Variants in FHIT observed in about 807,000 individuals in gnomAD.
FHIT encodes the protein fragile histidine triad diadenosine triphosphatase.
A neutral mutation model predicts 17.9 loss-of-function variants in FHIT; 19 were observed. The observed-to-expected ratio is 1.06, with a 90% CI of 0.74 to 1.56. FHIT has a LOEUF of 1.56. FHIT is among the 40% of genes most tolerant of loss of function. The probability of loss-of-function intolerance (pLI) is 0.00; values close to 1 mark genes in which losing one functional copy is unlikely to be tolerated. For synonymous variants in FHIT, 81 were observed against 69.7 expected, an observed-to-expected ratio of 1.16 and a Z score of -0.81; for missense variants, 248 against 189.2, an observed-to-expected ratio of 1.31 and a Z score of -1.82.
chr3:59,863,739 A>C (rs1702508372), intron 8 of FHIT, among the ~76,000 whole-genome samples: 1 of 152,226 alleles, frequency 6.6e-6, no homozygotes, highest in Admixed American at 6.5e-5. Context: ...CCTTCTTATA[A>C]AGGATAAAAA....
chr3:61,158,096 C>T (rs1454570989), intron 2 of FHIT, among the ~76,000 whole-genome samples: 1 of 152,068 alleles, frequency 6.6e-6, no homozygotes, highest in Non-Finnish European at 1.5e-5. Flanking sequence ...TTAAAACAAA[C>T]AAAAAATAAC....
intron 8 of FHIT, among the ~76,000 whole-genome samples, chr3:59,841,908 T>C (rs531099308): frequency 2.0e-5 from 3 of 152,304 alleles, no homozygotes; most frequent in East Asian, 3.9e-4. Flanking sequence ...AGAATACACA[T>C]AATCTAAAAT....
chr3:60,493,865 A>G (rs184116730), intron 5 of FHIT, among the ~76,000 whole-genome samples: 13 of 152,296 alleles, frequency 8.5e-5, no homozygotes, highest in African/African-American at 3.1e-4. Context: ...GGAACATAAA[A>G]TTCAGGTTCC....
intron 4 of FHIT, among the ~76,000 whole-genome samples, chr3:60,658,236 G>C (rs1553690170): frequency 6.6e-6 from 1 of 152,110 alleles, no homozygotes; most frequent in Admixed American, 6.6e-5. Context: ...ATGTCCTCAA[G>C]TTTCAATCAT....
intron 3 of FHIT, among the ~76,000 whole-genome samples, chr3:60,875,996 T>A (rs377685085): frequency 6.6e-6 from 1 of 151,754 alleles, no homozygotes; most frequent in East Asian, 1.9e-4. Context: ...CTTATATATC[T>A]ATTTCCCAGG....
At chr3:60,520,219 T>A in intron 5 of FHIT, among the ~76,000 whole-genome samples, 1 of 152,130 alleles carries the variant, frequency 6.6e-6, no homozygotes, top group East Asian at 1.9e-4. Flanking sequence ...CATTTATTCT[T>A]TTTTTAGATA....
intron 5 of FHIT, among the ~76,000 whole-genome samples, chr3:60,318,745 A>G (rs1709282831): frequency 6.6e-6 from 1 of 152,228 alleles, no homozygotes; most frequent in South Asian, 2.1e-4. Flanking sequence ...TGCTGTAACA[A>G]GTTATCACAA....
rs1027982547 is a variant in FHIT at position 60,414,799 on chromosome 3, G to A, written c.103+122061C>T. 6.6e-5 allele frequency among the ~76,000 whole-genome samples: 10 copies of A among 152,270 alleles called. 1 individual carries two copies. The Middle Eastern group carries it at 0.01, about 155-fold the overall frequency. ...TAGAAGATGTGAGCATGCAATTATT[G>A]TAAGAATGATCTAAATTATAAGTAA... On this transcript the variant is annotated intron_variant, in intron 5 of 9. Coordinates refer to ENST00000492590, the MANE Select transcript of FHIT (RefSeq NM_002012.4).
chr3:59,867,950 T>C (rs1374391220), intron 8 of FHIT, among the ~76,000 whole-genome samples: 1 of 149,314 alleles, frequency 6.7e-6, no homozygotes, highest in Non-Finnish European at 1.5e-5. Flanking sequence ...ACAGAGCTGG[T>C]GACAGTCTTG....
At chr3:60,710,268 T>TA (rs2041488030) in intron 4 of FHIT, among the ~76,000 whole-genome samples, 1 of 152,124 alleles carries the variant, frequency 6.6e-6, no homozygotes, top group African/African-American at 2.4e-5. Flanking sequence ...CCAGTAGTTT[T>TA]AAAAAACATT....
chr3:60,491,377 A>G (rs2034058713), intron 5 of FHIT, among the ~76,000 whole-genome samples: 2 of 152,140 alleles, frequency 1.3e-5, no homozygotes, highest in Admixed American at 6.5e-5. Context: ...ATAATGTTTC[A>G]TACGAAAAGC....
intron 3 of FHIT, chr3:60,912,655 T>G (rs1706805722): frequency 4.8e-6 from 2 of 414,512 alleles, no homozygotes; most frequent in African/African-American, 2.1e-5. Context: ...TCATCAGAGA[T>G]AACTCTAGAT....
intron 5 of FHIT, among the ~76,000 whole-genome samples, chr3:60,340,074 AT>A (rs557226680): frequency 4.6e-5 from 7 of 151,884 alleles, no homozygotes; most frequent in Non-Finnish European, 1.0e-4. Context: ...GGGGTGTTTA[AT>A]TTTTTTTAAG....
intron 3 of FHIT, among the ~76,000 whole-genome samples, chr3:60,969,645 C>T (rs1011878363): frequency 1.3e-5 from 2 of 152,074 alleles, no homozygotes; most frequent in African/African-American, 4.8e-5. Context: ...CTATCATTAT[C>T]ATTTTATTAC....
At chr3:60,276,838 A>C (rs1433104806) in intron 5 of FHIT, among the ~76,000 whole-genome samples, 1 of 152,132 alleles carries the variant, frequency 6.6e-6, no homozygotes, top group Non-Finnish European at 1.5e-5. Context: ...AGGAAGTCCC[A>C]GCCTCTTTTA....
intron 5 of FHIT, among the ~76,000 whole-genome samples, chr3:60,290,492 A>C (rs1026086884): frequency 6.6e-6 from 1 of 152,048 alleles, no homozygotes; most frequent in African/African-American, 2.4e-5. Flanking sequence ...AACAGTCAAC[A>C]ACCCTAGAAG....
At chr3:60,457,172 T>G (rs1033993426) in intron 5 of FHIT, among the ~76,000 whole-genome samples, 1 of 152,040 alleles carries the variant, frequency 6.6e-6, no homozygotes, top group Non-Finnish European at 1.5e-5. Flanking sequence ...ACTACCTGAC[T>G]TCAAACAATA....
chr3:60,144,269 C>T (rs5014208), intron 5 of FHIT, among the ~76,000 whole-genome samples: 105,015 of 152,108 alleles, frequency 0.69, 37,143 homozygotes, highest in South Asian at 0.83. Flanking sequence ...CTAATAACAA[C>T]AGTAATAGCT....
At chr3:60,155,598 G>T (rs970557040) in intron 5 of FHIT, among the ~76,000 whole-genome samples, 1 of 152,150 alleles carries the variant, frequency 6.6e-6, no homozygotes, top group Non-Finnish European at 1.5e-5. Context: ...CAGAGAGAGG[G>T]TCAGAAGCAA....
Sources: allele counts gnomAD v4.1 joint callset (sites outside exome capture counted in the v4.1 genomes callset), GRCh38; gene constraint gnomAD v4.1.1; transcripts MANE v1.5; gene names NCBI Gene and HGNC (gene_info 2026-07-23, HGNC 2026-07-21).